CDC34: variants seen among roughly 807,000 people sequenced by gnomAD.
CDC34 encodes ubiquitin-conjugating enzyme E2 R1.
In CDC34, 18 loss-of-function variants were observed where a neutral mutation model predicts 26.8. The observed-to-expected ratio is 0.67, with a 90% CI of 0.47 to 1.00. CDC34 has a LOEUF of 1.00. CDC34 is among the 50% of genes least tolerant of loss of function. CDC34 has a pLI of 0.00. For synonymous variants in CDC34, 178 were observed against 147.5 expected, an observed-to-expected ratio of 1.21 and a Z score of -1.50; for missense variants, 280 against 334.5, an observed-to-expected ratio of 0.84 and a Z score of 1.27.
chr19:541,396 C>T lies in CDC34; in HGVS notation c.555C>T (p.Thr185=). Residue 185 remains threonine, a synonymous_variant, in exon 5 of 5, where the codon ACC becomes ACT. Coordinates refer to ENST00000215574, the MANE Select transcript of CDC34 (RefSeq NM_004359.2). ...AGCGTGACGGCGTGAAGGTGCCCAC[C>T]ACGCTGGCCGAGTACTGCGTGAAGA... is the stretch of plus-strand genomic sequence containing the variant. ...DAERDGVKVP[T]TLAEYCVKTK... 1.2e-6 allele frequency: 2 copies of T among 1,611,008 alleles called. No homozygotes were observed. Among genetic ancestry groups the T allele is most frequent in the Non-Finnish European group, 1.7e-6 (2 of 1,179,482 alleles).
At chr19:536,418 A>G in intron 3 of CDC34, 78 bp downstream of exon 3, 3 of 1,160,070 alleles carry the variant, frequency 2.6e-6, no homozygotes, top group Non-Finnish European at 2.5e-6. Context: ...CCAGACCATC[A>G]GGTAGGCCGG....
chr19:539,475 C>T (rs894569856), intron 4 of CDC34, among the ~76,000 whole-genome samples: 2 of 152,198 alleles, frequency 1.3e-5, no homozygotes, highest in East Asian at 1.9e-4. Context: ...CAAAGCTTGG[C>T]GTCCGCTGGG....
At chr19:535,166 AG>A (rs1937658428) in intron 1 of CDC34, among the ~76,000 whole-genome samples, 4 of 152,196 alleles carry the variant, frequency 2.6e-5, no homozygotes, top group Admixed American at 6.5e-5. Flanking sequence ...CGTCCTTGCC[AG>A]CAGATCTGGA....
rs984101273 is a variant in CDC34, at chr19:539,897, G to A, written c.498-1442G>A. The stretch of plus-strand genomic sequence containing the variant: ...GGTGCAGCCCCTCATAGGGCCGGGT[G>A]TACACGGTGCCCTCCAGGAAGTTTG... On this transcript the variant is annotated intron_variant, in intron 4 of 4. Coordinates refer to ENST00000215574, the MANE Select transcript of CDC34 (RefSeq NM_004359.2). 3.9e-5 allele frequency among the ~76,000 whole-genome samples: 6 copies of A among 152,258 alleles called. No individual in the cohort carries two copies. The South Asian group carries it at 1.0e-3, about 26-fold the overall frequency.
At position 541,998 on chromosome 19, in the gene CDC34, A is replaced by T; in HGVS notation, c.*446A>T. Reference sequence around the variant, plus strand: ...CCTGTCAGCTCCAGGTCCTGGAGCCACGTCCAGCACAGAGTGGACGGATTC... The same window carrying T: ...CCTGTCAGCTCCAGGTCCTGGAGCCTCGTCCAGCACAGAGTGGACGGATTC... On this transcript the variant is annotated 3_prime_UTR_variant, in exon 5 of 5. Coordinates refer to ENST00000215574, the MANE Select transcript of CDC34 (RefSeq NM_004359.2). 6.4e-6 allele frequency: 1 copy of T among 157,146 alleles called. No individual in the cohort carries two copies. The highest frequency in any genetic ancestry group is 1.4e-5 in the Non-Finnish European group (1 of 71,164). The allele number at this position is 157,146 out of a possible 1,614,324, so 9.7% of individuals were successfully genotyped here.
At chr19:536,005 G>A in intron 2 of CDC34, 82 bp downstream of exon 2, 1 of 1,368,292 alleles carries the variant, frequency 7.3e-7, no homozygotes, top group South Asian at 1.2e-5. Flanking sequence ...ATCCTTCCGG[G>A]ACCCGGGGCG....
At chr19:533,302 C>G (rs1299430815) in intron 1 of CDC34, among the ~76,000 whole-genome samples, 1 of 152,202 alleles carries the variant, frequency 6.6e-6, no homozygotes, top group Non-Finnish European at 1.5e-5. Flanking sequence ...CGCTCTGCCC[C>G]GGCCAGCTGC....
intron 4 of CDC34, among the ~76,000 whole-genome samples, chr19:537,421 C>T (rs2011225): frequency 0.36 from 54,249 of 151,372 alleles, 11,798 homozygotes; most frequent in East Asian, 0.56. Flanking sequence ...GGCGCGATCT[C>T]GGCTCACTGC....
rs560143767 is a variant in CDC34, at chr19:536,171, C to T, written c.265-72C>T. 32 of 1,263,784 alleles carry T rather than the reference C, an allele frequency of 2.5e-5. No individual in the cohort carries two copies. The Middle Eastern group carries it at 5.5e-4, about 22-fold the overall frequency. 78.3% of individuals were successfully genotyped at this position (1,263,784 alleles called of 1,614,324 possible). On this transcript the variant is annotated intron_variant, in intron 2 of 4. Coordinates refer to ENST00000215574, the MANE Select transcript of CDC34 (RefSeq NM_004359.2). ...ACGTCCTCGTCCTCCACGTCCTCAT[C>T]CTCCGGGACCTGGGGCACTGGGAGC...
chr19:539,253 G>A (rs755422135), intron 4 of CDC34, among the ~76,000 whole-genome samples: 2 of 152,058 alleles, frequency 1.3e-5, no homozygotes, highest in Non-Finnish European at 2.9e-5. Context: ...GTGTGCCGGC[G>A]GCACCTCCAC....
chr19:540,087 G>C (rs12983594), intron 4 of CDC34, among the ~76,000 whole-genome samples: 3,963 of 34,322 alleles, frequency 0.12, 367 homozygotes, highest in Non-Finnish European at 0.16. Flanking sequence ...AGGCCCCCCA[G>C]GTTTAGAATC....
At chr19:538,377 GC>G (rs1979859129) in intron 4 of CDC34, among the ~76,000 whole-genome samples, 1 of 152,194 alleles carries the variant, frequency 6.6e-6, no homozygotes, top group Admixed American at 6.5e-5. Flanking sequence ...TCGCCCTCAT[GC>G]CCCAGAGCTG....
Position 541,435 on chromosome 19 carries a change from G to C in CDC34, c.594G>C (p.Ala198=), listed in dbSNP as rs369427490. The C allele has an allele frequency of 5.6e-6, 9 of 1,612,590 alleles. No homozygotes were observed. Among genetic ancestry groups the C allele is most frequent in the Non-Finnish European group, 6.8e-6 (8 of 1,179,888 alleles). The part of the protein sequence containing the change: ...AEYCVKTKAP[A]PDEGSDLFYD... ...ACTGCGTGAAGACCAAGGCGCCGGC[G>C]CCCGACGAGGGCTCAGACCTCTTCT... Residue 198 remains alanine, a synonymous_variant, in exon 5 of 5, where the codon GCG becomes GCC. Transcript: ENST00000215574.
chr19:531,811 G>T lies in CDC34; in HGVS notation c.-121G>T. On this transcript the variant is annotated 5_prime_UTR_variant, in exon 1 of 5. In the 5' UTR this introduces an upstream ATG that the reference lacks. Coordinates refer to ENST00000215574, the MANE Select transcript of CDC34 (RefSeq NM_004359.2). ...CGGGCGGCGGCGGCGGCGCAGAGGA[G>T]GAGGCAGGCGGCGGCCCCGGTGGCT... 2 of 379,670 alleles carry T rather than the reference G, an allele frequency of 5.3e-6. No homozygotes were observed. Among genetic ancestry groups the T allele is most frequent in the Non-Finnish European group, 7.5e-6 (2 of 265,572 alleles). 23.5% of individuals were successfully genotyped at this position (379,670 alleles called of 1,614,324 possible). A position where few individuals can be genotyped will look rare whatever the true frequency, so the allele number is the denominator to read the frequency against.
chr19:536,185 G>A, intron 2 of CDC34, 58 bp from the exon 3 acceptor site: 1 of 1,363,976 alleles, frequency 7.3e-7, no homozygotes, highest in South Asian at 1.2e-5. Context: ...CGGGACCTGG[G>A]GCACTGGGAG....
At chr19:538,431 T>C (rs1054077684) in intron 4 of CDC34, among the ~76,000 whole-genome samples, 32 of 152,218 alleles carry the variant, frequency 2.1e-4, no homozygotes, top group Non-Finnish European at 4.4e-5. Flanking sequence ...TTCACATGAA[T>C]GTGTAAACAC....
chr19:537,125 C>T lies in CDC34; in HGVS notation c.475C>T (p.Arg159Trp). ...RKWKESKGKD[R>W]EYTDIIRKQV... ...GTGGAAAGAGAGCAAGGGGAAGGAT[C>T]GGGAGTACACAGACATCATCCGGTG... The change falls in exon 4 of 5, where the codon CGG (arginine) becomes TGG (tryptophan). Residue 159 changes from arginine to tryptophan, a missense_variant. By Grantham distance (101) the Arg-to-Trp change is moderately radical (BLOSUM62 -3). Transcript: ENST00000215574. The T allele has an allele frequency of 1.2e-6, 2 of 1,613,512 alleles. No individual in the cohort carries two copies. Among genetic ancestry groups the T allele is most frequent in the East Asian group, 2.2e-5 (1 of 44,870 alleles).
intron 4 of CDC34, chr19:538,578 A>C: frequency 2.2e-5 from 8 of 368,970 alleles, no homozygotes; most frequent in Non-Finnish European, 3.0e-5. Flanking sequence ...ATTTCCTCAC[A>C]GAGGCCTCAC....
At chr19:535,778 G>C (rs773917040) in intron 1 of CDC34, 59 bp from the exon 2 acceptor site, 121 of 1,359,764 alleles carry the variant, frequency 8.9e-5, no homozygotes, top group Non-Finnish European at 1.2e-4. Flanking sequence ...GGCACCTTGT[G>C]AGCTGGGGCA....
Sources: allele counts gnomAD v4.1 joint callset (sites outside exome capture counted in the v4.1 genomes callset), GRCh38; gene constraint gnomAD v4.1.1; transcripts MANE v1.5; gene names NCBI Gene and HGNC (gene_info 2026-07-23, HGNC 2026-07-21).